Variants in RERE observed in about 807,000 individuals in gnomAD.
The protein encoded by RERE is arginine-glutamic acid dipeptide repeats.
A neutral mutation model predicts 146.1 loss-of-function variants in RERE; 40 were observed. The observed-to-expected ratio is 0.27, with a 90% CI of 0.21 to 0.36. The LOEUF (loss-of-function observed/expected upper bound fraction) is 0.36. RERE is among the 10% of genes least tolerant of loss of function. The pLI is 1.00. For synonymous variants in RERE, 1,003 were observed against 866.0 expected (o/e 1.16, Z -2.78); for missense variants, 1,933 against 2,138.7 (o/e 0.90, Z 1.90).
At chr1:8,738,365 C>T (rs968796977) in intron 1 of RERE, among the ~76,000 whole-genome samples, 6 of 151,986 alleles carry the variant, frequency 3.9e-5, no homozygotes, top group African/African-American at 9.7e-5. Context: ...TCACTGCAAC[C>T]TCTGCCTCCC....
chr1:8,427,735 T>C (rs1259588506), intron 11 of RERE, among the ~76,000 whole-genome samples: 1 of 148,744 alleles, frequency 6.7e-6, no homozygotes, highest in African/African-American at 2.5e-5. Flanking sequence ...CAGCAAAACA[T>C]CTGCTTCTCA....
chr1:8,720,146 G>A lies in RERE; in HGVS notation c.-144-63705C>T, dbSNP rs185270874. On this transcript the variant is annotated intron_variant, in intron 1 of 22. Coordinates refer to ENST00000400908, the MANE Select transcript of RERE (RefSeq NM_001042681.2). ...AATTTAGCTGGGCATGGTGGTGCAC[G>A]CCTGTAGTGCCAGCTACTCAGGAGG... is the stretch of plus-strand genomic sequence containing the variant. 1.1e-4 allele frequency among the ~76,000 whole-genome samples: 16 copies of A among 151,724 alleles called. No homozygotes were observed. In the East Asian group the frequency reaches 1.4e-3, roughly 13 times the overall value.
rs1406787842 is a variant in RERE at position 8,358,286 on chromosome 1, G to C, written c.4249C>G (p.Leu1417Val). The C allele has an allele frequency of 1.2e-6, 2 of 1,613,704 alleles. No individual in the cohort carries two copies. ...TGCGGAGTCACGTTGAACATCTGCA[G>C]TCGGGCCAGGGGATCGCTGGTCAGC... ...ASLTSDPLAR[L>V]QMFNVTPHHH... Residue 1417 changes from leucine to valine, a missense_variant, in exon 20 of 23, where the codon CTG becomes GTG. Leu to Val is a conservative substitution (Grantham distance 32, BLOSUM62 1). This residue lies in a region of RERE where 47 missense variants were observed against 58.6 expected (regional missense o/e 0.80). Coordinates refer to ENST00000400908, the MANE Select transcript of RERE (RefSeq NM_001042681.2).
intron 4 of RERE, among the ~76,000 whole-genome samples, chr1:8,590,551 C>A (rs970048952): frequency 2.0e-5 from 3 of 152,118 alleles, no homozygotes; most frequent in Non-Finnish European, 4.4e-5. Context: ...AAATGCAGTG[C>A]GGCCCACCGG....
chr1:8,421,770 T>C (rs755075563), intron 12 of RERE, among the ~76,000 whole-genome samples: 1 of 152,208 alleles, frequency 6.6e-6, no homozygotes, highest in Non-Finnish European at 1.5e-5. Context: ...GTAGATATTC[T>C]TGCATCCATC....
intron 1 of RERE, among the ~76,000 whole-genome samples, chr1:8,708,746 C>G (rs1156256990): frequency 6.6e-6 from 1 of 152,148 alleles, no homozygotes; most frequent in Non-Finnish European, 1.5e-5. Context: ...CCACGTGGAA[C>G]TGTGAGTCCA....
intron 6 of RERE, among the ~76,000 whole-genome samples, chr1:8,542,116 G>A (rs1280337945): frequency 6.6e-6 from 1 of 152,048 alleles, no homozygotes; most frequent in Non-Finnish European, 1.5e-5. Flanking sequence ...ACGTGGTGAG[G>A]CCTAACTTCC....
At chr1:8,732,181 A>G (rs1221756816) in intron 1 of RERE, among the ~76,000 whole-genome samples, 1 of 152,232 alleles carries the variant, frequency 6.6e-6, no homozygotes, top group Non-Finnish European at 1.5e-5. Flanking sequence ...TTAAAAACTT[A>G]TGTCCATACA....
At chr1:8,655,266 G>C (rs1638247372) in intron 2 of RERE, among the ~76,000 whole-genome samples, 1 of 151,924 alleles carries the variant, frequency 6.6e-6, no homozygotes, top group African/African-American at 2.4e-5. Context: ...GAGTGCAGTG[G>C]TGTGATCTCG....
chr1:8,372,507 C>T (rs1023019090), intron 12 of RERE, among the ~76,000 whole-genome samples: 4 of 131,828 alleles, frequency 3.0e-5, no homozygotes, highest in East Asian at 5.6e-4. Context: ...ACCATCAGGT[C>T]GTGTGTGTGT....
chr1:8,635,968 TTATCTTATC>T (rs1557448284), intron 2 of RERE, among the ~76,000 whole-genome samples: 36 of 145,498 alleles, frequency 2.5e-4, no homozygotes, highest in African/African-American at 9.2e-4. Context: ...TTATCTTATC[TTATCTTATC>T]TTATTTTATT....
intron 1 of RERE, among the ~76,000 whole-genome samples, chr1:8,769,011 A>G (rs1243129594): frequency 2.0e-5 from 3 of 152,226 alleles, no homozygotes; most frequent in South Asian, 2.1e-4. Flanking sequence ...AATAAATTTT[A>G]TAGGAACACA....
rs138027156 is a variant in RERE at position 8,355,118 on chromosome 1, C to T, written c.4670G>A (p.Arg1557Gln). Residue 1557 changes from arginine to glutamine, a missense_variant and splice_region_variant, in exon 23 of 23, where the codon CGA becomes CAA. Coordinates refer to ENST00000400908, the MANE Select transcript of RERE (RefSeq NM_001042681.2). ...HLPSQEDYYS[R>Q]LKKEGDKQL ...CTGCTTGTCACCTTCTTTCTTCAGTCGACTGGAAAGACAAAACAGGAAAGC... is the reference window on the plus strand; with the variant it reads ...CTGCTTGTCACCTTCTTTCTTCAGTTGACTGGAAAGACAAAACAGGAAAGC... 33 of 1,613,832 alleles carry T rather than the reference C, an allele frequency of 2.0e-5. No individual in the cohort carries two copies. The highest frequency in any genetic ancestry group is 8.0e-5 in the African/African-American group (6 of 74,920).
intron 1 of RERE, among the ~76,000 whole-genome samples, chr1:8,673,181 C>T (rs568331191): frequency 6.6e-6 from 1 of 152,306 alleles, no homozygotes; most frequent in East Asian, 1.9e-4. Context: ...CTGCAACCTC[C>T]ACCTCCCAGG....
In RERE at chr1:8,360,512, A is replaced by G; in HGVS notation, c.2995T>C (p.Ser999Pro). ...QLMPQSQPLP[S>P]SPAQPPGLTQ... is the part of the protein sequence containing the mutation. ...AGCCCGGGGGGCTGGGCGGGCGAGG[A>G]GGGCAATGGCTGGCTCTGAGGCATG... Residue 999 changes from serine (S) to proline (P), a missense_variant, in exon 18 of 23, where the codon TCC becomes CCC. Coordinates refer to ENST00000400908, the MANE Select transcript of RERE (RefSeq NM_001042681.2). 1 of 977,990 alleles carries G rather than the reference A, an allele frequency of 1.0e-6. No individual in the cohort carries two copies. Among genetic ancestry groups the G allele is most frequent in the Non-Finnish European group, 1.3e-6 (1 of 781,592 alleles). The allele number at this position is 977,990 out of a possible 1,614,324, so 60.6% of individuals were successfully genotyped here. A position where few individuals can be genotyped will look rare whatever the true frequency, so the allele number is the denominator to read the frequency against.
At chr1:8,640,541 T>C (rs1259735320) in intron 2 of RERE, among the ~76,000 whole-genome samples, 3 of 152,192 alleles carry the variant, frequency 2.0e-5, no homozygotes, top group Non-Finnish European at 2.9e-5. Flanking sequence ...AGAAAACACA[T>C]TTAGGGGTTA....
At chr1:8,746,468 AG>A in intron 1 of RERE, among the ~76,000 whole-genome samples, 1 of 152,176 alleles carries the variant, frequency 6.6e-6, no homozygotes, top group Non-Finnish European at 1.5e-5. Flanking sequence ...CACCAGAAGA[AG>A]AAAAAAAATA....
At chr1:8,709,094 A>G (rs1231561771) in intron 1 of RERE, among the ~76,000 whole-genome samples, 1 of 150,342 alleles carries the variant, frequency 6.7e-6, no homozygotes, top group African/African-American at 2.4e-5. Flanking sequence ...TTTTTTTTGT[A>G]TTTTTTTAGT....
intron 4 of RERE, among the ~76,000 whole-genome samples, chr1:8,607,362 C>CAAAAA (rs1358829755): frequency 2.4e-5 from 2 of 84,098 alleles, no homozygotes; most frequent in Non-Finnish European, 5.1e-5. Context: ...ACCCTGTCTC[C>CAAAAA]AAAAAAAAAA....
Sources: gnomAD v4.1 joint callset for allele counts (sites outside exome capture counted in the v4.1 genomes callset) on GRCh38, gnomAD v4.1.1 for gene constraint, gnomAD v4.1.1 regional missense constraint, MANE v1.5 for transcripts, NCBI Gene and HGNC (gene_info 2026-07-23, HGNC 2026-07-21) for gene names.